Variants in RAB28 observed in about 807,000 individuals in gnomAD.
RAB28 encodes the protein ras-related protein Rab-28.
In RAB28, 24 loss-of-function variants were observed where a neutral mutation model predicts 31.7. That is an observed-to-expected ratio of 0.76 (90% CI 0.55 to 1.06). The LOEUF (loss-of-function observed/expected upper bound fraction) is 1.06. RAB28 is among the 50% of genes least tolerant of loss of function. The pLI, the probability that RAB28 is intolerant of heterozygous loss-of-function variation, is 0.00. For synonymous variants in RAB28, 100 were observed against 90.4 expected (o/e 1.11, Z -0.60); for missense variants, 254 against 258.5 (o/e 0.98, Z 0.12).
intron 4 of RAB28, among the ~76,000 whole-genome samples, chr4:13,408,419 T>A (rs901517232): frequency 1.3e-5 from 2 of 152,166 alleles, no homozygotes; most frequent in African/African-American, 4.8e-5. Context: ...TTTGCCAGTA[T>A]CTTATCGAGG....
At chr4:13,433,382 CA>C (rs888144389) in intron 4 of RAB28, among the ~76,000 whole-genome samples, 1 of 151,722 alleles carries the variant, frequency 6.6e-6, no homozygotes, top group Admixed American at 6.6e-5. Flanking sequence ...TGCAAAATGG[CA>C]AAAAAAATTT....
At chr4:13,387,750 CA>C (rs998118046) in intron 4 of RAB28, among the ~76,000 whole-genome samples, 1 of 151,730 alleles carries the variant, frequency 6.6e-6, no homozygotes, top group Non-Finnish European at 1.5e-5. Context: ...TCTTCAATTT[CA>C]AAAAAAATTT....
At chr4:13,385,957 A>C (rs962802550) in intron 4 of RAB28, among the ~76,000 whole-genome samples, 2 of 152,172 alleles carry the variant, frequency 1.3e-5, no homozygotes, top group African/African-American at 4.8e-5. Flanking sequence ...GGTTTGGGCA[A>C]AGATTTTTAT....
intron 2 of RAB28, among the ~76,000 whole-genome samples, chr4:13,476,585 T>A (rs1716371748): frequency 6.6e-6 from 1 of 151,546 alleles, no homozygotes; most frequent in Admixed American, 6.6e-5. Context: ...AAATGTGGAT[T>A]CCTTATTTGA....
chr4:13,471,213 C>CTA (rs1449714644), intron 3 of RAB28, among the ~76,000 whole-genome samples: 1 of 151,978 alleles, frequency 6.6e-6, no homozygotes, highest in Admixed American at 6.6e-5. Context: ...TATAAAGCAT[C>CTA]TATAACTCCA....
intron 4 of RAB28, among the ~76,000 whole-genome samples, chr4:13,385,903 T>C (rs1015018924): frequency 4.6e-5 from 7 of 152,046 alleles, no homozygotes; most frequent in Non-Finnish European, 7.4e-5. Context: ...GACCAGAAAC[T>C]GTGAAATTCC....
rs144484775 is a variant in RAB28, at chr4:13,392,723, G to A, written c.392-11129C>T. ...AAAAAAGATAAGTGTTTTCTTGAAC[G>A]TTGCTAAGAGAATAGATTTTAAGTG... On this transcript the variant is annotated intron_variant, in intron 4 of 6. Coordinates refer to ENST00000330852, the MANE Select transcript of RAB28 (RefSeq NM_001017979.3). 7.2e-5 allele frequency among the ~76,000 whole-genome samples: 11 copies of A among 152,226 alleles called. No individual in the cohort carries two copies. In the East Asian group the frequency reaches 2.1e-3, roughly 29 times the overall value.
chr4:13,469,502 C>A (rs1418333373), intron 3 of RAB28, among the ~76,000 whole-genome samples: 1 of 152,016 alleles, frequency 6.6e-6, no homozygotes, highest in Non-Finnish European at 1.5e-5. Flanking sequence ...TATGCCTTAA[C>A]TGCCTTCCTC....
chr4:13,425,534 G>T (rs1051209543), intron 4 of RAB28, among the ~76,000 whole-genome samples: 3 of 152,100 alleles, frequency 2.0e-5, no homozygotes, highest in African/African-American at 7.2e-5. Flanking sequence ...CTACATTAAA[G>T]TTGTGGCTGG....
At chr4:13,384,372 GTGCTGCTGC>G (rs151083323) in intron 4 of RAB28, among the ~76,000 whole-genome samples, 9 of 152,120 alleles carry the variant, frequency 5.9e-5, no homozygotes, top group African/African-American at 1.7e-4. Context: ...GTACCCCACC[GTGCTGCTGC>G]TGCTGCTGCT....
chr4:13,466,565 G>C (rs1251369334), intron 3 of RAB28, among the ~76,000 whole-genome samples: 1 of 151,892 alleles, frequency 6.6e-6, no homozygotes, highest in Non-Finnish European at 1.5e-5. Context: ...TGAGAATATA[G>C]AGAAAAGGGA....
At chr4:13,404,997 A>G (rs1052566671) in intron 4 of RAB28, among the ~76,000 whole-genome samples, 1 of 151,678 alleles carries the variant, frequency 6.6e-6, no homozygotes, top group Admixed American at 6.6e-5. Flanking sequence ...AATCACTCCT[A>G]AAGATTTTTA....
chr4:13,456,385 G>A (rs1715298446), intron 4 of RAB28, among the ~76,000 whole-genome samples: 1 of 152,172 alleles, frequency 6.6e-6, no homozygotes, highest in Non-Finnish European at 1.5e-5. Flanking sequence ...AGGCCATTAT[G>A]GTTAATAAAC....
At chr4:13,415,915 G>A (rs1008263509) in intron 4 of RAB28, among the ~76,000 whole-genome samples, 21 of 152,304 alleles carry the variant, frequency 1.4e-4, no homozygotes, top group African/African-American at 4.8e-4. Context: ...TCGGCACTCT[G>A]TATCTAGCTC....
chr4:13,479,381 G>A (rs748434266), intron 2 of RAB28, 49 bp downstream of exon 2: 2 of 1,373,742 alleles, frequency 1.5e-6, no homozygotes, highest in Admixed American at 3.9e-5. Flanking sequence ...GCCACTTATT[G>A]TTAAGATTTT....
intron 4 of RAB28, among the ~76,000 whole-genome samples, chr4:13,431,284 T>C (rs1225065055): frequency 6.6e-6 from 1 of 152,094 alleles, no homozygotes; most frequent in African/African-American, 2.4e-5. Flanking sequence ...CAACTGAAGG[T>C]TATGAGCCCT....
intron 4 of RAB28, among the ~76,000 whole-genome samples, chr4:13,395,000 A>G (rs942944121): frequency 1.3e-5 from 2 of 152,190 alleles, no homozygotes; most frequent in African/African-American, 4.8e-5. Flanking sequence ...TGACTTAACG[A>G]AAGTCTCAAA....
intron 4 of RAB28, among the ~76,000 whole-genome samples, chr4:13,415,599 C>T (rs1251770256): frequency 6.6e-6 from 1 of 152,112 alleles, no homozygotes; most frequent in African/African-American, 2.4e-5. Flanking sequence ...GCACTGCGCT[C>T]GATTTCTTGC....
intron 4 of RAB28, among the ~76,000 whole-genome samples, chr4:13,418,518 T>A (rs1712929694): frequency 6.6e-6 from 1 of 152,152 alleles, no homozygotes; most frequent in African/African-American, 2.4e-5. Flanking sequence ...GTCGGGTTAC[T>A]CACAAGGGGA....
Sources: allele counts gnomAD v4.1 joint callset (sites outside exome capture counted in the v4.1 genomes callset), GRCh38; gene constraint gnomAD v4.1.1; transcripts MANE v1.5; gene names NCBI Gene and HGNC (gene_info 2026-07-23, HGNC 2026-07-21).